The following KBTBD3 variants were observed in gnomAD, a reference collection of about 807,000 sequenced individuals.
KBTBD3 encodes kelch repeat and BTB domain containing 3, also known as kelch repeat and BTB domain-containing protein 3.
A neutral mutation model predicts 49.6 loss-of-function variants in KBTBD3; 38 were observed. That is an observed-to-expected ratio of 0.77 (90% CI 0.59 to 1.00). The LOEUF is 1.00. KBTBD3 is among the 50% of genes least tolerant of loss of function. The pLI is 0.00. For synonymous variants in KBTBD3, 214 were observed against 250.4 expected (o/e 0.85, Z 1.37); for missense variants, 661 against 712.0 (o/e 0.93, Z 0.81).
At chr11:106,077,052 C>A (rs878934348) in intron 1 of KBTBD3, among the ~76,000 whole-genome samples, 5 of 152,060 alleles carry the variant, frequency 3.3e-5, no homozygotes, top group Admixed American at 6.5e-5. Context: ...TGCTAAGGGT[C>A]GGGAGCGTAC....
Position 106,058,996 on chromosome 11 carries a change from A to G in KBTBD3, c.102T>C (p.His34=), listed in dbSNP as rs753809738. 6 of 1,559,702 alleles carry G rather than the reference A, an allele frequency of 3.8e-6. No individual in the cohort carries two copies. The highest frequency in any genetic ancestry group is 5.2e-6 in the Non-Finnish European group (6 of 1,162,618). ...KKNNFLVSED[H]GQKILSVLQN... Reference sequence around the variant, plus strand: ...GTAGTACACTTAAGATTTTTTGTCCATGATCTTCTGATACAAGGAAGTTGT... The same window carrying G: ...GTAGTACACTTAAGATTTTTTGTCCGTGATCTTCTGATACAAGGAAGTTGT... Residue 34 remains histidine, a synonymous_variant, in exon 3 of 4, where the codon CAT becomes CAC. Transcript: ENST00000531837.
At chr11:106,059,213 A>T (rs1016754541) in intron 2 of KBTBD3, 104 bp from the exon 3 acceptor site, 7 of 603,686 alleles carry the variant, frequency 1.2e-5, no homozygotes, top group Non-Finnish European at 1.7e-5. Flanking sequence ...ACCACTAAGA[A>T]AAATAATAAG....
intron 3 of KBTBD3, among the ~76,000 whole-genome samples, chr11:106,056,879 G>A (rs1043329498): frequency 5.3e-5 from 8 of 152,246 alleles, no homozygotes; most frequent in African/African-American, 1.7e-4. Flanking sequence ...GAGTTACATG[G>A]AAGAAAACTT....
chr11:106,067,208 C>T (rs1240960848), intron 2 of KBTBD3, among the ~76,000 whole-genome samples: 1 of 152,206 alleles, frequency 6.6e-6, no homozygotes, highest in Admixed American at 6.5e-5. Context: ...TGCAAAGGTA[C>T]AACGGAGAGC....
At chr11:106,057,749 T>C (rs1840783374) in intron 3 of KBTBD3, 1 of 284,948 alleles carries the variant, frequency 3.5e-6, no homozygotes, top group African/African-American at 2.2e-5. Flanking sequence ...TAAGAAGTAC[T>C]TTTCCCTAAT....
Position 106,058,889 on chromosome 11 carries a change from AAC to A in KBTBD3, c.207_208del (p.Leu70SerfsTer5). On this transcript the variant is annotated frameshift_variant, in exon 3 of 4. Coordinates refer to ENST00000531837, the MANE Select transcript of KBTBD3 (RefSeq NM_198439.3). LOFTEE classifies it high-confidence loss of function. ...CCTGAAAAAGTCACTGCATGCTGCT[AAC>A]ACACAACGATGACACGGGATTATTT... is the stretch of plus-strand genomic sequence containing the variant. The A allele has an allele frequency of 6.3e-6, 10 of 1,574,984 alleles. No individual in the cohort carries two copies. The highest frequency in any genetic ancestry group is 1.2e-5 in the South Asian group (1 of 82,994).
chr11:106,061,759 A>G (rs1163532093), intron 2 of KBTBD3, among the ~76,000 whole-genome samples: 1 of 151,868 alleles, frequency 6.6e-6, no homozygotes, highest in Non-Finnish European at 1.5e-5. Flanking sequence ...CTAATTCCTT[A>G]TAGTTTTTCT....
At chr11:106,073,695 G>A (rs997643708) in intron 2 of KBTBD3, among the ~76,000 whole-genome samples, 1 of 152,132 alleles carries the variant, frequency 6.6e-6, no homozygotes, top group African/African-American at 2.4e-5. Flanking sequence ...GCCCTACAGG[G>A]GTAAAGGAGT....
At chr11:106,076,890 A>G (rs771833903) in intron 1 of KBTBD3, among the ~76,000 whole-genome samples, 183 bp from the exon 2 acceptor site, 1 of 152,222 alleles carries the variant, frequency 6.6e-6, no homozygotes. Flanking sequence ...GGCAATAGCA[A>G]AACAGCACCT....
At chr11:106,074,360 C>A (rs906194110) in intron 2 of KBTBD3, among the ~76,000 whole-genome samples, 1 of 152,206 alleles carries the variant, frequency 6.6e-6, no homozygotes, top group African/African-American at 2.4e-5. Flanking sequence ...CAACCCACTA[C>A]AATAAAATTC....
chr11:106,053,842 C>T lies in KBTBD3; in HGVS notation c.847G>A (p.Gly283Arg). ...DAIKCVQGSG[G>R]LFPDARPSTT... ...GATGGTCGAGCATCAGGGAAGAGTC[C>T]ACCAGAACCTTGCACACACTTAATT... Residue 283 changes from glycine (G) to arginine (R), a missense_variant, in exon 4 of 4, where the codon GGA becomes AGA. Physicochemically the swap from Gly to Arg is moderately radical, Grantham distance 125 (BLOSUM62 -2). Transcript: ENST00000531837. 1 of 1,613,910 alleles carries T rather than the reference C, an allele frequency of 6.2e-7. No individual in the cohort carries two copies. The highest frequency in any genetic ancestry group is 8.5e-7 in the Non-Finnish European group (1 of 1,179,904).
In KBTBD3 at chr11:106,053,502, T is replaced by C. The variant is rs757591241; in HGVS notation, c.1187A>G (p.His396Arg). 4 of 1,613,812 alleles carry C rather than the reference T, an allele frequency of 2.5e-6. No homozygotes were observed. The highest frequency in any genetic ancestry group is 1.7e-6 in the Non-Finnish European group (2 of 1,179,860). The change falls in exon 4 of 4, where the codon CAT (histidine) becomes CGT (arginine). Residue 396 changes from histidine to arginine, a missense_variant. By Grantham distance (29) the His-to-Arg change is conservative. Transcript: ENST00000531837. ...TCTATCGAGAGCCATAACTGATGTATGCATGGTTCTTGGTGTTTTCATAGT... is the reference window on the plus strand; with the variant it reads ...TCTATCGAGAGCCATAACTGATGTACGCATGGTTCTTGGTGTTTTCATAGT... Reference protein sequence around the residue: ...VSTMKTPRTMHTSVMALDRLF... With the variant: ...VSTMKTPRTMRTSVMALDRLF...
At chr11:106,055,052 C>T (rs1860524148) in intron 3 of KBTBD3, among the ~76,000 whole-genome samples, 1 of 151,988 alleles carries the variant, frequency 6.6e-6, no homozygotes, top group African/African-American at 2.4e-5. Context: ...TAAACAATAA[C>T]AGTGTACCAC....
chr11:106,058,076 T>C (rs1014489409), intron 3 of KBTBD3: 2 of 398,010 alleles, frequency 5.0e-6, no homozygotes, highest in African/African-American at 4.1e-5. Context: ...AAAGGTAGTC[T>C]TAAATTCTCT....
At position 106,053,940 on chromosome 11, in the gene KBTBD3, G is replaced by T; in HGVS notation, c.749C>A (p.Thr250Lys). Residue 250 changes from threonine to lysine, a missense_variant, in exon 4 of 4, where the codon ACA (threonine) becomes AAA (lysine). Transcript: ENST00000531837. ...TTCATTGAACAGACAGTCCTGAAGT[G>T]TCTCCTCAGATAACTGATGTAATCT... ...KVRLHQLSEETLQDCLFNEES... is the reference protein window; with the variant it reads ...KVRLHQLSEEKLQDCLFNEES... 1 of 1,613,926 alleles carries T rather than the reference G, an allele frequency of 6.2e-7. No homozygotes were observed. The highest frequency in any genetic ancestry group is 8.5e-7 in the Non-Finnish European group (1 of 1,179,900).
intron 3 of KBTBD3, among the ~76,000 whole-genome samples, chr11:106,056,194 A>T (rs1860549396): frequency 6.6e-6 from 1 of 152,194 alleles, no homozygotes; most frequent in South Asian, 2.1e-4. Flanking sequence ...GAGAGTGTAA[A>T]TTGTCAAATG....
In KBTBD3 at chr11:106,052,938, G is replaced by A; in HGVS notation, c.1751C>T (p.Pro584Leu). The A allele has an allele frequency of 6.2e-7, 1 of 1,613,588 alleles. No individual in the cohort carries two copies. The change falls in exon 4 of 4, where the codon CCA becomes CTA. Residue 584 changes from proline (P) to leucine (L), a missense_variant. Transcript: ENST00000531837. ...SNRSEWEEVS[P>L]MPRALTEFYC... ...AAATTCTGTTAAGGCTCTAGGCATT[G>A]GTGAAACTTCTTCCCATTCAGACCT...
chr11:106,074,113 C>G (rs1018123276), intron 2 of KBTBD3, among the ~76,000 whole-genome samples: 1 of 72,366 alleles, frequency 1.4e-5, no homozygotes, highest in African/African-American at 3.0e-5. Context: ...ATGCCGAACA[C>G]CCCCCCCCAC....
chr11:106,061,680 C>G (rs1055352371), intron 2 of KBTBD3, among the ~76,000 whole-genome samples: 51 of 151,868 alleles, frequency 3.4e-4, no homozygotes, highest in African/African-American at 1.2e-3. Context: ...ACTATACCAT[C>G]AGCTCTCCTA....
Sources: allele counts gnomAD v4.1 joint callset (sites outside exome capture counted in the v4.1 genomes callset), GRCh38; gene constraint gnomAD v4.1.1; transcripts MANE v1.5; gene names NCBI Gene and HGNC (gene_info 2026-07-23, HGNC 2026-07-21).